The following NRCAM variants were observed in gnomAD, a reference collection of about 807,000 sequenced individuals.
NRCAM encodes NgCAM-related cell adhesion molecule.
A neutral mutation model predicts 156.5 loss-of-function variants in NRCAM; 83 were observed. The observed-to-expected ratio is 0.53, with a 90% CI of 0.44 to 0.64. NRCAM has a LOEUF of 0.64. Among genes scored for constraint, NRCAM ranks in the 30% least tolerant of loss-of-function variants. NRCAM has a pLI of 0.00. For missense variants in NRCAM, 1,417 were observed against 1,597.3 expected (o/e 0.89, Z 1.92); for synonymous variants, 538 against 563.9 (o/e 0.95, Z 0.65).
At chr7:108,260,515 T>G (rs990599152) in intron 3 of NRCAM, among the ~76,000 whole-genome samples, 3 of 152,092 alleles carry the variant, frequency 2.0e-5, no homozygotes, top group Non-Finnish European at 4.4e-5. Context: ...CAGACCACAC[T>G]CCCAAGAAGG....
At chr7:108,243,691 G>A (rs6966259) in intron 3 of NRCAM, among the ~76,000 whole-genome samples, 11,107 of 152,152 alleles carry the variant, frequency 0.073, 592 homozygotes, top group African/African-American at 0.14. Context: ...TGGTAGATTC[G>A]TCTTCTGAAA....
chr7:108,316,872 T>C (rs886581306), intron 2 of NRCAM, among the ~76,000 whole-genome samples: 2 of 152,170 alleles, frequency 1.3e-5, no homozygotes, highest in Admixed American at 1.3e-4. Flanking sequence ...CTCTCTGTCA[T>C]GTAAGACAGA....
chr7:108,176,389 G>T (rs889945624), intron 27 of NRCAM, 41 bp downstream of exon 27: 12 of 1,545,674 alleles, frequency 7.8e-6, no homozygotes, highest in Non-Finnish European at 1.1e-5. Context: ...TTTATTTCAT[G>T]ATGCTTATAA....
chr7:108,447,394 T>C (rs1300044376), intron 1 of NRCAM, among the ~76,000 whole-genome samples: 5 of 151,280 alleles, frequency 3.3e-5, no homozygotes, highest in African/African-American at 1.2e-4. Context: ...GCCTCCCGAG[T>C]AGCTGGGATT....
rs776046627 is a variant in NRCAM at position 108,232,542 on chromosome 7, T to C, written c.231-20A>G. 4.5e-6 allele frequency: 7 copies of C among 1,570,110 alleles called. No homozygotes were observed. In the Admixed American group the frequency reaches 1.3e-4, roughly 29 times the overall value. ...GAAAAGCTGCCCAACACACGAAGTG[T>C]TAAGTGTATTAATGGTCCAGAAAAA... On this transcript the variant is annotated intron_variant, in intron 6 of 32. Transcript: ENST00000379028.
intron 3 of NRCAM, among the ~76,000 whole-genome samples, chr7:108,294,347 A>G (rs1022254898): frequency 2.0e-5 from 3 of 151,560 alleles, no homozygotes; most frequent in African/African-American, 7.3e-5. Flanking sequence ...GAATCTGGGG[A>G]TCACCTCTTC....
At chr7:108,405,624 T>C (rs1237330054) in intron 1 of NRCAM, among the ~76,000 whole-genome samples, 1 of 152,112 alleles carries the variant, frequency 6.6e-6, no homozygotes, top group African/African-American at 2.4e-5. Context: ...CCATTTCTGC[T>C]CAAAGAGTTA....
Position 108,195,784 on chromosome 7 carries a change from C to T in NRCAM, c.1440G>A (p.Gly480=). 2.5e-6 allele frequency: 4 copies of T among 1,609,698 alleles called. No individual in the cohort carries two copies. Among genetic ancestry groups the T allele is most frequent in the Non-Finnish European group, 3.4e-6 (4 of 1,176,244 alleles). Residue 480 remains glycine (G), a synonymous_variant, in exon 15 of 33, where the codon GGG becomes GGA. Coordinates refer to ENST00000379028, the MANE Select transcript of NRCAM (RefSeq NM_001037132.4). ...ACCACTCGATGGTTGGGAGAGGAGACCCAAAGAAGGCACAGTCTAGTAAAG... is the reference window on the plus strand; with the variant it reads ...ACCACTCGATGGTTGGGAGAGGAGATCCAAAGAAGGCACAGTCTAGTAAAG... The part of the protein sequence containing the change: ...RPALLDCAFF[G]SPLPTIEWFK...
chr7:108,199,498 C>G (rs2076841973), intron 13 of NRCAM, among the ~76,000 whole-genome samples: 1 of 152,228 alleles, frequency 6.6e-6, no homozygotes, highest in South Asian at 2.1e-4. Flanking sequence ...GTGAGCAGAG[C>G]TGCGTCGCTT....
intron 1 of NRCAM, among the ~76,000 whole-genome samples, chr7:108,428,674 T>C (rs1239584132): frequency 6.6e-6 from 1 of 152,222 alleles, no homozygotes; most frequent in African/African-American, 2.4e-5. Context: ...ACAGAAATTG[T>C]CCTTGGTATC....
intron 30 of NRCAM, among the ~76,000 whole-genome samples, chr7:108,164,402 A>G (rs1449184166): frequency 6.6e-6 from 1 of 152,148 alleles, no homozygotes; most frequent in East Asian, 1.9e-4. Flanking sequence ...AGATTGATGA[A>G]ATAACTATAG....
chr7:108,451,271 A>C (rs6976309), intron 1 of NRCAM, among the ~76,000 whole-genome samples: 37,393 of 151,954 alleles, frequency 0.25, 4,924 homozygotes, highest in Non-Finnish European at 0.29. Flanking sequence ...TTGCACTTCA[A>C]ACCTATTAGG....
At chr7:108,385,453 C>A (rs2099737408) in intron 2 of NRCAM, among the ~76,000 whole-genome samples, 1 of 152,176 alleles carries the variant, frequency 6.6e-6, no homozygotes. Flanking sequence ...GAAAAGCATG[C>A]ATTTTGAGGT....
At chr7:108,257,364 A>G (rs913139540) in intron 3 of NRCAM, among the ~76,000 whole-genome samples, 1 of 152,224 alleles carries the variant, frequency 6.6e-6, no homozygotes, top group Non-Finnish European at 1.5e-5. Context: ...AAAAAACTAT[A>G]AATAAGAAAG....
chr7:108,363,347 C>T (rs1353173165), intron 2 of NRCAM, among the ~76,000 whole-genome samples: 7 of 151,964 alleles, frequency 4.6e-5, no homozygotes, highest in Admixed American at 6.6e-5. Flanking sequence ...GCTCATAGTA[C>T]GACGTTGGCT....
chr7:108,211,599 G>A (rs1341993378), intron 11 of NRCAM, among the ~76,000 whole-genome samples: 1 of 152,150 alleles, frequency 6.6e-6, no homozygotes, highest in African/African-American at 2.4e-5. Flanking sequence ...GGTGAGGCCT[G>A]TGACTGCTGG....
chr7:108,370,397 T>C (rs949854046), intron 2 of NRCAM, among the ~76,000 whole-genome samples: 4 of 152,148 alleles, frequency 2.6e-5, no homozygotes, highest in Admixed American at 6.6e-5. Flanking sequence ...CAACATAGAA[T>C]GTTTTCATGT....
chr7:108,235,794 G>C (rs990784126), intron 5 of NRCAM, among the ~76,000 whole-genome samples: 24 of 152,110 alleles, frequency 1.6e-4, no homozygotes, highest in African/African-American at 5.6e-4. Flanking sequence ...CAACGTACAG[G>C]ACAATTCCAC....
chr7:108,195,303 T>C (rs1408849037), intron 15 of NRCAM, among the ~76,000 whole-genome samples: 1 of 152,138 alleles, frequency 6.6e-6, no homozygotes, highest in Non-Finnish European at 1.5e-5. Flanking sequence ...TTAATAAATA[T>C]TTGTGAAATA....
Sources: gnomAD v4.1 joint callset for allele counts (sites outside exome capture counted in the v4.1 genomes callset) on GRCh38, gnomAD v4.1.1 for gene constraint, MANE v1.5 for transcripts, NCBI Gene and HGNC (gene_info 2026-07-23, HGNC 2026-07-21) for gene names.